The following CTNNA2 variants were observed in gnomAD, a reference collection of about 807,000 sequenced individuals.
CTNNA2 encodes catenin alpha 2, also known as catenin alpha-2.
In CTNNA2, 42 loss-of-function variants were observed where a neutral mutation model predicts 101.0. The observed-to-expected ratio is 0.42, with a 90% CI of 0.32 to 0.54. The LOEUF (loss-of-function observed/expected upper bound fraction) is 0.54. Ranked by LOEUF, CTNNA2 falls within the 20% of genes least tolerant of loss-of-function variation. The probability of loss-of-function intolerance (pLI) is 0.14; values close to 1 mark genes in which losing one functional copy is unlikely to be tolerated. For missense variants in CTNNA2, 871 were observed against 1,223.1 expected (o/e 0.71, Z 4.29); for synonymous variants, 450 against 456.4 (o/e 0.99, Z 0.18).
At chr2:79,805,829 T>C (rs1213846531) in intron 3 of CTNNA2, among the ~76,000 whole-genome samples, 1 of 151,852 alleles carries the variant, frequency 6.6e-6, no homozygotes. Flanking sequence ...TCCCAGCTAC[T>C]TGGGAGGCTG....
intron 9 of CTNNA2, among the ~76,000 whole-genome samples, chr2:80,461,996 A>G (rs1256453983): frequency 2.6e-5 from 4 of 152,216 alleles, no homozygotes; most frequent in Admixed American, 2.6e-4. Context: ...TCACTGGGCA[A>G]TAAAAGGTTT....
chr2:80,321,608 C>A (rs1290087107), intron 7 of CTNNA2, among the ~76,000 whole-genome samples: 2 of 151,952 alleles, frequency 1.3e-5, no homozygotes, highest in South Asian at 2.1e-4. Flanking sequence ...TGGAATAAAT[C>A]TTTTTTTTAA....
At chr2:79,993,206 A>G (rs1396046398) in intron 7 of CTNNA2, among the ~76,000 whole-genome samples, 2 of 152,218 alleles carry the variant, frequency 1.3e-5, no homozygotes, top group Non-Finnish European at 2.9e-5. Context: ...TGCTTTTTAA[A>G]TTAATCCCCT....
At chr2:80,093,781 T>A (rs369155953) in intron 7 of CTNNA2, among the ~76,000 whole-genome samples, 1 of 152,108 alleles carries the variant, frequency 6.6e-6, no homozygotes, top group Non-Finnish European at 1.5e-5. Flanking sequence ...TTTCATGTGT[T>A]TTTTGGCTGC....
intron 7 of CTNNA2, among the ~76,000 whole-genome samples, chr2:80,312,819 G>A (rs528549480): frequency 1.3e-5 from 2 of 152,284 alleles, no homozygotes; most frequent in South Asian, 4.1e-4. Context: ...CTTTCTCTGT[G>A]TTTTAGACCT....
At chr2:79,904,589 G>C (rs1481348444) in intron 6 of CTNNA2, among the ~76,000 whole-genome samples, 6 of 152,126 alleles carry the variant, frequency 3.9e-5, no homozygotes, top group African/African-American at 1.4e-4. Flanking sequence ...TCAAATCCTG[G>C]TGACCTTATT....
chr2:80,619,524 T>C (rs1004357070), intron 18 of CTNNA2, among the ~76,000 whole-genome samples: 3 of 151,972 alleles, frequency 2.0e-5, no homozygotes, highest in African/African-American at 7.2e-5. Context: ...GAATCCATTC[T>C]ATAGTCTCTT....
chr2:79,840,707 AG>A (rs1027707094), intron 3 of CTNNA2, among the ~76,000 whole-genome samples: 19 of 151,392 alleles, frequency 1.3e-4, no homozygotes, highest in Admixed American at 1.1e-3. Flanking sequence ...CCAAGGTGGG[AG>A]GAGCACTTGC....
chr2:79,238,073 G>A (rs1194147397), intron 2 of CTNNA2, among the ~76,000 whole-genome samples: 1 of 152,170 alleles, frequency 6.6e-6, no homozygotes, highest in Non-Finnish European at 1.5e-5. Flanking sequence ...CTTTCACCTT[G>A]CATTCCTCAC....
chr2:79,468,906 A>C (rs1409853705), intron 4 of CTNNA2, among the ~76,000 whole-genome samples: 1 of 152,176 alleles, frequency 6.6e-6, no homozygotes, highest in African/African-American at 2.4e-5. Context: ...TTATAGCACT[A>C]AATACCCACA....
chr2:80,087,921 T>G (rs904198349), intron 7 of CTNNA2, among the ~76,000 whole-genome samples: 2 of 151,986 alleles, frequency 1.3e-5, no homozygotes, highest in African/African-American at 4.8e-5. Flanking sequence ...TTGATACAAC[T>G]GAAAATAGTC....
chr2:79,911,231 C>T (rs749948952), intron 7 of CTNNA2, among the ~76,000 whole-genome samples: 4 of 152,302 alleles, frequency 2.6e-5, no homozygotes, highest in South Asian at 2.1e-4. Flanking sequence ...AAATCTGAGA[C>T]GCTGTTTGTT....
At chr2:79,305,439 CCTGAT>C (rs1248451424) in intron 2 of CTNNA2, among the ~76,000 whole-genome samples, 1 of 149,846 alleles carries the variant, frequency 6.7e-6, no homozygotes, top group Non-Finnish European at 1.5e-5. Context: ...CAGATTTGAT[CCTGAT>C]CCTAGAGTTT....
chr2:79,288,714 C>A (rs372223284), intron 2 of CTNNA2, among the ~76,000 whole-genome samples: 1 of 152,118 alleles, frequency 6.6e-6, no homozygotes, highest in Admixed American at 6.6e-5. Context: ...TTAGAGGTTG[C>A]CAGTCTCTTA....
At chr2:79,772,300 A>T (rs1222913942) in intron 3 of CTNNA2, among the ~76,000 whole-genome samples, 2 of 152,188 alleles carry the variant, frequency 1.3e-5, no homozygotes, top group Non-Finnish European at 2.9e-5. Context: ...CCCATCCCTG[A>T]AGACTCAATC....
chr2:79,920,344 C>T (rs887541717), intron 7 of CTNNA2, among the ~76,000 whole-genome samples: 1 of 152,196 alleles, frequency 6.6e-6, no homozygotes, highest in Non-Finnish European at 1.5e-5. Context: ...TCTACTATAA[C>T]ACTTGCCACA....
At chr2:79,943,088 G>A (rs549385929) in intron 7 of CTNNA2, among the ~76,000 whole-genome samples, 3 of 152,142 alleles carry the variant, frequency 2.0e-5, no homozygotes, top group Non-Finnish European at 2.9e-5. Context: ...ATTGTGGCAC[G>A]TGCCTGTAAT....
chr2:80,369,258 C>G (rs1044041914), intron 7 of CTNNA2, among the ~76,000 whole-genome samples: 4 of 151,940 alleles, frequency 2.6e-5, no homozygotes, highest in African/African-American at 9.7e-5. Flanking sequence ...TATATTTCTC[C>G]CCCACCATTT....
chr2:80,091,855 T>C (rs1285383586), intron 7 of CTNNA2, among the ~76,000 whole-genome samples: 1 of 152,114 alleles, frequency 6.6e-6, no homozygotes, highest in African/African-American at 2.4e-5. Context: ...CATTTCCTAA[T>C]CAATTTATGC....
Sources: gnomAD v4.1 joint callset for allele counts (sites outside exome capture counted in the v4.1 genomes callset) on GRCh38, gnomAD v4.1.1 for gene constraint, MANE v1.5 for transcripts, NCBI Gene and HGNC (gene_info 2026-07-23, HGNC 2026-07-21) for gene names.